Variants in RHOBTB1 observed in about 807,000 individuals in gnomAD.
RHOBTB1 encodes Rho related BTB domain containing 1.
RHOBTB1 carries 40 observed loss-of-function variants against 71.6 expected under a neutral mutation model. The ratio of observed to expected loss-of-function variants is 0.56; its 90% CI spans 0.43 to 0.73. RHOBTB1 has a LOEUF of 0.73. Ranked by LOEUF, RHOBTB1 falls within the 30% of genes least tolerant of loss-of-function variation. RHOBTB1 has a pLI of 0.00. For synonymous variants in RHOBTB1, 319 were observed against 334.9 expected (o/e 0.95, Z 0.52); for missense variants, 797 against 894.0 (o/e 0.89, Z 1.38).
intron 2 of RHOBTB1, among the ~76,000 whole-genome samples, chr10:60,917,314 A>G (rs2083317893): frequency 6.6e-6 from 1 of 152,040 alleles, no homozygotes; most frequent in Admixed American, 6.6e-5. Flanking sequence ...CCTTATTCAG[A>G]TATCCTACTG....
chr10:60,946,354 C>T (rs1314886931), upstream of RHOBTB1, among the ~76,000 whole-genome samples: 3 of 152,130 alleles, frequency 2.0e-5, no homozygotes, highest in African/African-American at 7.2e-5. Context: ...CATCAAACTG[C>T]CCTGGCAGCT....
intron 1 of RHOBTB1, among the ~76,000 whole-genome samples, chr10:60,988,716 CT>C (rs1401981991): frequency 1.3e-5 from 2 of 152,128 alleles, no homozygotes; most frequent in Non-Finnish European, 2.9e-5. Flanking sequence ...TGATGGGCAC[CT>C]AGGTTGATTC....
At position 60,870,618 on chromosome 10, in the gene RHOBTB1, T is replaced by C. The variant is rs191217036; in HGVS notation, c.*864A>G. 6.6e-6 allele frequency: 1 copy of C among 152,244 alleles called. No homozygotes were observed. The highest frequency in any genetic ancestry group is 1.5e-5 in the Non-Finnish European group (1 of 68,022). The allele number at this position is 152,244 out of a possible 1,614,324, so 9.4% of individuals were successfully genotyped here. A position where few individuals can be genotyped will look rare whatever the true frequency, so the allele number is the denominator to read the frequency against. On this transcript the variant is annotated 3_prime_UTR_variant, in exon 11 of 11. Coordinates refer to ENST00000337910, the MANE Select transcript of RHOBTB1 (RefSeq NM_014836.5). Reference sequence around the variant, plus strand: ...AATCTGCATGCAGAAGCATGGCAAGTTCAAGGAATACTGAGAGATGTAAAC... The same window carrying C: ...AATCTGCATGCAGAAGCATGGCAAGCTCAAGGAATACTGAGAGATGTAAAC...
chr10:60,984,225 A>C (rs974011280), intron 2 of RHOBTB1, among the ~76,000 whole-genome samples: 1 of 152,252 alleles, frequency 6.6e-6, no homozygotes, highest in African/African-American at 2.4e-5. Context: ...ATCAAAGCAA[A>C]AAAATCATTG....
In RHOBTB1 at chr10:60,918,419, C is replaced by T. The variant is rs531104206; in HGVS notation, c.-10-6867G>A. 2.6e-5 allele frequency among the ~76,000 whole-genome samples: 4 copies of T among 152,322 alleles called. No individual in the cohort carries two copies. In the South Asian group the frequency reaches 6.2e-4, roughly 24 times the overall value. On this transcript the variant is annotated intron_variant, in intron 2 of 10. Transcript: ENST00000337910. ...ACTCCCAGGAAGTTCTGCGCATGCC[C>T]ACTCCCTCACTCACAAGACACCTAG... is the stretch of plus-strand genomic sequence containing the variant.
At chr10:60,882,403 A>G (rs1358605784) in intron 7 of RHOBTB1, among the ~76,000 whole-genome samples, 7 of 152,196 alleles carry the variant, frequency 4.6e-5, no homozygotes, top group African/African-American at 1.7e-4. Flanking sequence ...TGCATTTTTA[A>G]TGAACCACTT....
At position 60,910,734 on chromosome 10, in the gene RHOBTB1, A is replaced by AT. The variant is rs201385892; in HGVS notation, c.296+152dup. 916 of 556,628 alleles carry AT rather than the reference A, an allele frequency of 1.6e-3. 1 individual carries two copies. The highest frequency in any genetic ancestry group is 4.0e-3 in the Middle Eastern group (12 of 3,008). 34.5% of individuals were successfully genotyped at this position (556,628 alleles called of 1,614,324 possible). A position where few individuals can be genotyped will look rare whatever the true frequency, so the allele number is the denominator to read the frequency against. ...TTTCTTGACATCAGGAAACAATACC[A>AT]TTTTTTTTTCTTTTCCTTTTCTTAG... On this transcript the variant is annotated intron_variant, in intron 4 of 10. Transcript: ENST00000337910.
At chr10:60,957,939 C>A (rs114249746) in intron 2 of RHOBTB1, among the ~76,000 whole-genome samples, 43 of 152,244 alleles carry the variant, frequency 2.8e-4, no homozygotes, top group African/African-American at 9.9e-4. Flanking sequence ...AAATGAAACT[C>A]AAATTCACAA....
intron 4 of RHOBTB1, among the ~76,000 whole-genome samples, chr10:60,897,269 CTT>C (rs34153627): frequency 3.3e-5 from 5 of 152,298 alleles, no homozygotes; most frequent in African/African-American, 1.2e-4. Flanking sequence ...AGAAGCTCAA[CTT>C]TTTTTCCAAT....
Position 60,905,365 on chromosome 10 carries a change from A to G in RHOBTB1, c.296+5522T>C, listed in dbSNP as rs566046016. ...CTTGGGAGGCTGAGGCAGGAGAATCACTTGAACCTGGGAGACGTAGGTTGC... is the reference window on the plus strand; with the variant it reads ...CTTGGGAGGCTGAGGCAGGAGAATCGCTTGAACCTGGGAGACGTAGGTTGC... On this transcript the variant is annotated intron_variant, in intron 4 of 10. Transcript: ENST00000337910. Among the ~76,000 whole-genome samples the G allele has an allele frequency of 2.8e-5, 4 of 144,264 alleles. No homozygotes were observed. The South Asian group carries it at 6.5e-4, about 23-fold the overall frequency. 94.6% of individuals were successfully genotyped at this position (144,264 alleles called of 152,430 possible).
chr10:60,924,821 A>C (rs1471999695), intron 2 of RHOBTB1, among the ~76,000 whole-genome samples: 1 of 152,220 alleles, frequency 6.6e-6, no homozygotes, highest in Admixed American at 6.5e-5. Context: ...TAAAACTAGA[A>C]ATCAATAACA....
intron 2 of RHOBTB1, among the ~76,000 whole-genome samples, chr10:60,925,502 C>A (rs1185139392): frequency 6.6e-6 from 1 of 151,832 alleles, no homozygotes; most frequent in Non-Finnish European, 1.5e-5. Context: ...AAATAAACAA[C>A]CTTATAATAT....
chr10:60,963,206 T>C (rs775619879), intron 2 of RHOBTB1, among the ~76,000 whole-genome samples: 7 of 152,170 alleles, frequency 4.6e-5, no homozygotes, highest in Non-Finnish European at 1.0e-4. Flanking sequence ...GCAATTTTCA[T>C]TGCCCTCCGC....
chr10:60,941,022 T>C (rs928123821), intron 2 of RHOBTB1, among the ~76,000 whole-genome samples: 8 of 152,224 alleles, frequency 5.3e-5, no homozygotes, highest in African/African-American at 1.9e-4. Context: ...AAAGTACACA[T>C]GAATACTTAC....
intron 4 of RHOBTB1, among the ~76,000 whole-genome samples, chr10:60,907,624 A>G (rs1304103929): frequency 1.3e-5 from 2 of 152,234 alleles, no homozygotes; most frequent in African/African-American, 2.4e-5. Flanking sequence ...CTTCATCTCC[A>G]TGGAATAGAA....
At chr10:60,989,599 A>C (rs1390799137) in intron 1 of RHOBTB1, among the ~76,000 whole-genome samples, 1 of 152,234 alleles carries the variant, frequency 6.6e-6, no homozygotes, top group African/African-American at 2.4e-5. Context: ...GTGACAGCTC[A>C]CAGCAGTTCA....
At chr10:60,892,543 C>G (rs1322845399) in intron 5 of RHOBTB1, among the ~76,000 whole-genome samples, 1 of 152,126 alleles carries the variant, frequency 6.6e-6, no homozygotes, top group Non-Finnish European at 1.5e-5. Flanking sequence ...TTTCAAAGTG[C>G]TTTTAATCAC....
chr10:60,993,692 G>A (rs918979062), intron 1 of RHOBTB1, among the ~76,000 whole-genome samples: 4 of 150,982 alleles, frequency 2.6e-5, no homozygotes, highest in Non-Finnish European at 4.4e-5. Flanking sequence ...ATTGCTCTAC[G>A]GTGTATATTT....
downstream of RHOBTB1, among the ~76,000 whole-genome samples, chr10:60,867,299 C>T (rs974976918): frequency 2.0e-5 from 3 of 152,140 alleles, no homozygotes; most frequent in Non-Finnish European, 4.4e-5. Context: ...AATAGTCAAA[C>T]TTTGGTTGGC....
Sources: gnomAD v4.1 joint callset for allele counts (sites outside exome capture counted in the v4.1 genomes callset) on GRCh38, gnomAD v4.1.1 for gene constraint, MANE v1.5 for transcripts, NCBI Gene and HGNC (gene_info 2026-07-23, HGNC 2026-07-21) for gene names.